The following ARHGAP42 variants were observed in gnomAD, a reference collection of about 807,000 sequenced individuals.
ARHGAP42 encodes the protein Rho GTPase activating protein 42.
In ARHGAP42, 63 loss-of-function variants were observed where a neutral mutation model predicts 125.0. The observed-to-expected ratio is 0.50, with a 90% CI of 0.41 to 0.62. The LOEUF (loss-of-function observed/expected upper bound fraction) is 0.62. ARHGAP42 is among the 20% of genes least tolerant of loss of function. The pLI, the probability that ARHGAP42 is intolerant of heterozygous loss-of-function variation, is 0.00. For missense variants in ARHGAP42, 766 were observed against 1,024.2 expected, an observed-to-expected ratio of 0.75 and a Z score of 3.44; for synonymous variants, 339 against 351.0, an observed-to-expected ratio of 0.97 and a Z score of 0.38.
At chr11:100,940,426 T>G (rs1055475257) in intron 8 of ARHGAP42, among the ~76,000 whole-genome samples, 1 of 152,112 alleles carries the variant, frequency 6.6e-6, no homozygotes, top group Non-Finnish European at 1.5e-5. Flanking sequence ...CAGTCCACTA[T>G]GGTGTTTGGG....
At chr11:100,813,629 T>G (rs1864199741) in intron 3 of ARHGAP42, among the ~76,000 whole-genome samples, 1 of 152,128 alleles carries the variant, frequency 6.6e-6, no homozygotes, top group Admixed American at 6.5e-5. Flanking sequence ...CTCCTTTGAC[T>G]CTCCAGGGTC....
intron 4 of ARHGAP42, among the ~76,000 whole-genome samples, chr11:100,864,767 G>A (rs575586459): frequency 7.2e-5 from 11 of 152,198 alleles, no homozygotes; most frequent in Non-Finnish European, 1.2e-4. Context: ...CAAATAAATG[G>A]TTTAGTGTGA....
chr11:100,925,967 T>C (rs528703959), intron 6 of ARHGAP42, among the ~76,000 whole-genome samples: 1 of 152,276 alleles, frequency 6.6e-6, no homozygotes, highest in African/African-American at 2.4e-5. Context: ...GTTATGAGAA[T>C]GTTTATGGAT....
intron 22 of ARHGAP42, among the ~76,000 whole-genome samples, chr11:100,980,904 G>T (rs1040103143): frequency 1.3e-5 from 2 of 152,060 alleles, no homozygotes. Context: ...TTTGCATTCT[G>T]AATACTCTAA....
chr11:100,905,436 G>A (rs1866699200), intron 4 of ARHGAP42, among the ~76,000 whole-genome samples: 1 of 152,084 alleles, frequency 6.6e-6, no homozygotes, highest in Admixed American at 6.6e-5. Context: ...CCTTACAGTA[G>A]CACAACCACT....
Position 100,990,772 on chromosome 11 carries a change from C to G in ARHGAP42, c.*1971C>G, listed in dbSNP as rs775950541. The G allele has an allele frequency of 2.6e-5, 4 of 152,552 alleles. No homozygotes were observed. The highest frequency in any genetic ancestry group is 5.9e-5 in the Non-Finnish European group (4 of 68,036). The allele number at this position is 152,552 out of a possible 1,614,324, so 9.4% of individuals were successfully genotyped here. A position where few individuals can be genotyped will look rare whatever the true frequency, so the allele number is the denominator to read the frequency against. On this transcript the variant is annotated 3_prime_UTR_variant, in exon 24 of 24. Transcript: ENST00000298815. ...ATACAGCACCCTTGGTTTAAGCACA[C>G]TTGCCATCATCTGGTATCCTGCTAG...
intron 1 of ARHGAP42, among the ~76,000 whole-genome samples, chr11:100,730,845 C>T (rs1387958844): frequency 1.3e-5 from 2 of 152,300 alleles, no homozygotes; most frequent in Admixed American, 6.5e-5. Flanking sequence ...CAAACCTGTA[C>T]AGCATATGAT....
chr11:100,867,150 C>G (rs1335517652), intron 4 of ARHGAP42, among the ~76,000 whole-genome samples: 1 of 152,154 alleles, frequency 6.6e-6, no homozygotes, highest in African/African-American at 2.4e-5. Flanking sequence ...CTTAAGGGGT[C>G]TAAGATTTCT....
At chr11:100,938,981 A>G (rs1206671150) in intron 8 of ARHGAP42, among the ~76,000 whole-genome samples, 1 of 152,214 alleles carries the variant, frequency 6.6e-6, no homozygotes, top group Non-Finnish European at 1.5e-5. Flanking sequence ...CCAGTGATCA[A>G]TATCAAATAA....
intron 1 of ARHGAP42, among the ~76,000 whole-genome samples, chr11:100,741,367 G>A (rs1862182917): frequency 6.6e-6 from 1 of 152,192 alleles, no homozygotes; most frequent in South Asian, 2.1e-4. Context: ...GAAATGTGAT[G>A]CCTCCTGAAG....
chr11:100,967,682 A>T lies in ARHGAP42; in HGVS notation c.1550+1906A>T, dbSNP rs570577499. Among the ~76,000 whole-genome samples the T allele has an allele frequency of 2.6e-5, 4 of 152,172 alleles. No homozygotes were observed. In the East Asian group the frequency reaches 7.7e-4, roughly 29 times the overall value. On this transcript the variant is annotated intron_variant, in intron 17 of 23. Transcript: ENST00000298815. ...GTACTCTGTTATTAGCTATATATATATGTTTATAATTGTTATATATTCCTG... is the reference window on the plus strand; with the variant it reads ...GTACTCTGTTATTAGCTATATATATTTGTTTATAATTGTTATATATTCCTG...
intron 17 of ARHGAP42, among the ~76,000 whole-genome samples, chr11:100,966,924 A>G (rs2135307834): frequency 6.6e-6 from 1 of 152,308 alleles, no homozygotes; most frequent in South Asian, 2.1e-4. Context: ...TTACAATAAA[A>G]TGATTAATCC....
chr11:100,924,817 C>G (rs1483012839), intron 6 of ARHGAP42, among the ~76,000 whole-genome samples: 1 of 151,854 alleles, frequency 6.6e-6, no homozygotes, highest in Non-Finnish European at 1.5e-5. Flanking sequence ...TACCTGAAAT[C>G]AATTTTTTTG....
chr11:100,751,731 A>T lies in ARHGAP42; in HGVS notation c.155-18612A>T, dbSNP rs1203617148. On this transcript the variant is annotated intron_variant, in intron 1 of 23. Coordinates refer to ENST00000298815, the MANE Select transcript of ARHGAP42 (RefSeq NM_152432.4). The stretch of plus-strand genomic sequence containing the variant: ...GGGAAGTGATCCACCTCACAGACAC[A>T]CTCCTATCCCAGTGTTCTGGTTATT... Among the ~76,000 whole-genome samples, 3 of 133,838 alleles carry T rather than the reference A, an allele frequency of 2.2e-5. No individual in the cohort carries two copies. The Admixed American group carries it at 2.4e-4, about 11-fold the overall frequency. The allele number at this position is 133,838 out of a possible 152,430, so 87.8% of individuals were successfully genotyped here. A position where few individuals can be genotyped will look rare whatever the true frequency, so the allele number is the denominator to read the frequency against.
intron 23 of ARHGAP42, among the ~76,000 whole-genome samples, chr11:100,988,278 G>A (rs1858736735): frequency 6.6e-6 from 1 of 152,022 alleles, no homozygotes. Context: ...TTAGAGGGCT[G>A]TGACATTGTT....
chr11:100,887,807 C>T (rs1565260145), intron 4 of ARHGAP42, among the ~76,000 whole-genome samples: 2 of 152,314 alleles, frequency 1.3e-5, no homozygotes, highest in Middle Eastern at 3.4e-3. Flanking sequence ...ATTCAGGCAG[C>T]CCAAATCTAG....
rs1858880696 is a variant in ARHGAP42, at chr11:100,992,974, C to A, written c.*4173C>A. The A allele has an allele frequency of 2.7e-6, 1 of 374,414 alleles. No homozygotes were observed. 23.2% of individuals were successfully genotyped at this position (374,414 alleles called of 1,614,324 possible). On this transcript the variant is annotated 3_prime_UTR_variant, in exon 24 of 24. Coordinates refer to ENST00000298815, the MANE Select transcript of ARHGAP42 (RefSeq NM_152432.4). Reference sequence around the variant, plus strand: ...TTGGTGCTCTATGGAGAAATGGAGTCTGTGTGCTTACTGAAGAGTCCCAAA... The same window carrying A: ...TTGGTGCTCTATGGAGAAATGGAGTATGTGTGCTTACTGAAGAGTCCCAAA...
At chr11:100,745,877 A>G (rs1388663014) in intron 1 of ARHGAP42, among the ~76,000 whole-genome samples, 1 of 152,184 alleles carries the variant, frequency 6.6e-6, no homozygotes. Context: ...GTCACCCACC[A>G]AAATATTGAC....
intron 3 of ARHGAP42, among the ~76,000 whole-genome samples, chr11:100,853,005 C>G (rs1865240927): frequency 6.6e-6 from 1 of 152,170 alleles, no homozygotes; most frequent in Non-Finnish European, 1.5e-5. Context: ...TCTTAAATCT[C>G]TCTCTGAGAA....
Sources: allele counts gnomAD v4.1 joint callset (sites outside exome capture counted in the v4.1 genomes callset), GRCh38; gene constraint gnomAD v4.1.1; transcripts MANE v1.5; gene names NCBI Gene and HGNC (gene_info 2026-07-23, HGNC 2026-07-21).